Variants in TBC1D32 observed in about 807,000 individuals in gnomAD.
The protein encoded by TBC1D32 is TBC1 domain family member 32.
TBC1D32 carries 151 observed loss-of-function variants against 170.3 expected under a neutral mutation model. That is an observed-to-expected ratio of 0.89 (90% CI 0.78 to 1.01). The LOEUF is 1.01. TBC1D32 is among the 50% of genes least tolerant of loss of function. The pLI, the probability that TBC1D32 is intolerant of heterozygous loss-of-function variation, is 0.00. For missense variants in TBC1D32, 1,464 were observed against 1,457.1 expected (o/e 1.00, Z -0.08); for synonymous variants, 498 against 488.0 (o/e 1.02, Z -0.27).
chr6:121,314,081 C>T (rs1248369581), intron 3 of TBC1D32, among the ~76,000 whole-genome samples: 3 of 152,180 alleles, frequency 2.0e-5, no homozygotes, highest in African/African-American at 4.8e-5. Context: ...AGCCTAGCAA[C>T]AAAATAGAGC....
chr6:121,252,707 G>A (rs774972783), intron 17 of TBC1D32, among the ~76,000 whole-genome samples: 19 of 152,082 alleles, frequency 1.2e-4, no homozygotes, highest in Non-Finnish European at 2.5e-4. Flanking sequence ...TGCATATTCT[G>A]CACATGTATC....
At chr6:121,126,552 C>G (rs1296821403) in intron 25 of TBC1D32, 91 bp from the exon 26 acceptor site, 3 of 874,472 alleles carry the variant, frequency 3.4e-6, no homozygotes, top group Non-Finnish European at 5.5e-6. Context: ...AGGTAAAAGT[C>G]ATCTGAACTT....
chr6:121,110,502 T>C (rs990845323), intron 29 of TBC1D32, among the ~76,000 whole-genome samples: 5 of 151,770 alleles, frequency 3.3e-5, no homozygotes, highest in African/African-American at 7.3e-5. Flanking sequence ...AGGAAATAGG[T>C]TGATTTCTTT....
At chr6:121,184,566 T>A (rs896544256) in intron 22 of TBC1D32, among the ~76,000 whole-genome samples, 2 of 151,956 alleles carry the variant, frequency 1.3e-5, no homozygotes, top group African/African-American at 4.8e-5. Context: ...GTCAACTTTA[T>A]GACCTACAGC....
At chr6:121,261,588 T>C (rs1799776743) in intron 15 of TBC1D32, among the ~76,000 whole-genome samples, 1 of 151,760 alleles carries the variant, frequency 6.6e-6, no homozygotes, top group African/African-American at 2.4e-5. Context: ...AACAACAGCA[T>C]CAACTAAAAA....
At chr6:121,130,677 A>C (rs1035170915) in intron 25 of TBC1D32, among the ~76,000 whole-genome samples, 3 of 152,178 alleles carry the variant, frequency 2.0e-5, no homozygotes, top group African/African-American at 7.2e-5. Context: ...ACTCAGAACG[A>C]CATACGAATT....
intron 22 of TBC1D32, among the ~76,000 whole-genome samples, chr6:121,176,822 C>T (rs1332714004): frequency 6.6e-6 from 1 of 152,168 alleles, no homozygotes; most frequent in Non-Finnish European, 1.5e-5. Flanking sequence ...TGATCTCAAA[C>T]TCCTGACCTC....
intron 15 of TBC1D32, among the ~76,000 whole-genome samples, chr6:121,267,297 T>C (rs1800662147): frequency 6.6e-6 from 1 of 151,798 alleles, no homozygotes; most frequent in Non-Finnish European, 1.5e-5. Flanking sequence ...GCCCATGGAG[T>C]GTGAACCGAA....
intron 30 of TBC1D32, among the ~76,000 whole-genome samples, chr6:121,101,287 G>C (rs58344176): frequency 0.077 from 11,761 of 151,780 alleles, 902 homozygotes; most frequent in African/African-American, 0.2. Flanking sequence ...ACAACAAAAA[G>C]AGAGAATTTT....
intron 22 of TBC1D32, among the ~76,000 whole-genome samples, chr6:121,204,169 T>G (rs1791936535): frequency 6.6e-6 from 1 of 151,128 alleles, no homozygotes; most frequent in Admixed American, 6.6e-5. Flanking sequence ...AGACTAAAAA[T>G]TAAAATTTAA....
At chr6:121,281,503 C>G (rs1191696813) in intron 14 of TBC1D32, 41 bp downstream of exon 14, 5 of 1,543,158 alleles carry the variant, frequency 3.2e-6, no homozygotes, top group Non-Finnish European at 4.4e-6. Context: ...CACTAATACC[C>G]AGGTAAGAGA....
intron 30 of TBC1D32, among the ~76,000 whole-genome samples, chr6:121,094,095 C>T (rs752947822): frequency 7.9e-5 from 12 of 151,888 alleles, no homozygotes; most frequent in Admixed American, 2.6e-4. Context: ...ATTGAAACAG[C>T]AGAATTCCAA....
Position 121,112,275 on chromosome 6 carries a change from A to C in TBC1D32, c.3324+230T>G. The C allele has an allele frequency of 1.0e-5, 3 of 293,836 alleles. 1 individual carries two copies. Among genetic ancestry groups the C allele is most frequent in the Non-Finnish European group, 6.2e-6 (1 of 162,516 alleles). The allele number at this position is 293,836 out of a possible 1,614,324, so 18.2% of individuals were successfully genotyped here. A position where few individuals can be genotyped will look rare whatever the true frequency, so the allele number is the denominator to read the frequency against. On this transcript the variant is annotated intron_variant, in intron 29 of 31. Transcript: ENST00000398212. ...AATTTCATTATCATGTTTCTACTTC[A>C]TGAAAATGCTTCTAATATAAATCAT...
intron 21 of TBC1D32, among the ~76,000 whole-genome samples, chr6:121,215,369 T>C (rs1227440858): frequency 2.0e-5 from 3 of 152,162 alleles, no homozygotes; most frequent in African/African-American, 7.2e-5. Flanking sequence ...CCCACCAGCA[T>C]CATGGGGCAT....
intron 2 of TBC1D32, 85 bp from the exon 3 acceptor site, chr6:121,317,757 A>AT: frequency 9.9e-7 from 1 of 1,011,172 alleles, no homozygotes; most frequent in Non-Finnish European, 1.4e-6. Context: ...TTTTTTTTCT[A>AT]TAAAAAGGGA....
chr6:121,278,264 T>A (rs1014515354), intron 15 of TBC1D32, among the ~76,000 whole-genome samples: 3 of 152,054 alleles, frequency 2.0e-5, no homozygotes, highest in Non-Finnish European at 4.4e-5. Flanking sequence ...AGGTCACCAT[T>A]CCAATAATAC....
At position 121,122,398 on chromosome 6, in the gene TBC1D32, A is replaced by G. The variant is rs77205363; in HGVS notation, c.2983+3980T>C. 1.5e-3 allele frequency among the ~76,000 whole-genome samples: 231 copies of G among 152,012 alleles called. 1 individual carries two copies. Among genetic ancestry groups the G allele is most frequent in the African/African-American group, 5.4e-3 (224 of 41,518 alleles). On this transcript the variant is annotated intron_variant, in intron 26 of 31. Coordinates refer to ENST00000398212, the MANE Select transcript of TBC1D32 (RefSeq NM_152730.6). Reference sequence around the variant, plus strand: ...TCAAAACCCTGCAATGACTTTCAAGATCCTGTATCATGCTCTCCTATCTGA... The same window carrying G: ...TCAAAACCCTGCAATGACTTTCAAGGTCCTGTATCATGCTCTCCTATCTGA...
intron 24 of TBC1D32, among the ~76,000 whole-genome samples, chr6:121,145,872 A>G (rs1485264936): frequency 6.6e-6 from 1 of 152,214 alleles, no homozygotes; most frequent in Non-Finnish European, 1.5e-5. Flanking sequence ...TTAATGGATT[A>G]ATGGTCTGTA....
intron 15 of TBC1D32, among the ~76,000 whole-genome samples, chr6:121,269,856 T>G (rs1467230035): frequency 6.6e-6 from 1 of 152,168 alleles, no homozygotes; most frequent in Admixed American, 6.5e-5. Context: ...GACCACATAG[T>G]TGGAAGTAAA....
Sources: allele counts gnomAD v4.1 joint callset (sites outside exome capture counted in the v4.1 genomes callset), GRCh38; gene constraint gnomAD v4.1.1; transcripts MANE v1.5; gene names NCBI Gene and HGNC (gene_info 2026-07-23, HGNC 2026-07-21).